The following COL23A1 variants were observed in gnomAD, a reference collection of about 807,000 sequenced individuals.
The protein encoded by COL23A1 is collagen type XXIII alpha 1 chain, also known as collagen alpha-1(XXIII) chain.
Under a neutral mutation model 99.3 loss-of-function variants are expected in COL23A1, and 97 were observed. The ratio of observed to expected loss-of-function variants is 0.98; its 90% confidence interval spans 0.83 to 1.16. COL23A1 has a LOEUF of 1.16. Among genes scored for constraint, COL23A1 ranks in the 50% most tolerant of loss-of-function variants. The pLI, the probability that COL23A1 is intolerant of heterozygous loss-of-function variation, is 0.00. For missense variants in COL23A1, 762 were observed against 757.4 expected (o/e 1.01, Z -0.07); for synonymous variants, 320 against 308.2 (o/e 1.04, Z -0.40).
intron 2 of COL23A1, among the ~76,000 whole-genome samples, chr5:178,514,616 C>T (rs621635): frequency 0.66 from 100,187 of 152,122 alleles, 34,312 homozygotes; most frequent in East Asian, 0.88. Flanking sequence ...CAAAGATGAA[C>T]GGAACTGGGG....
At chr5:178,542,639 G>A (rs1427325403) in intron 2 of COL23A1, among the ~76,000 whole-genome samples, 2 of 150,932 alleles carry the variant, frequency 1.3e-5, no homozygotes, top group African/African-American at 2.4e-5. Flanking sequence ...AGAGGTCCAG[G>A]AAGGCAGGGA....
At chr5:178,276,140 T>C (rs1490309317) in intron 5 of COL23A1, among the ~76,000 whole-genome samples, 1 of 152,174 alleles carries the variant, frequency 6.6e-6, no homozygotes, top group Non-Finnish European at 1.5e-5. Context: ...GTCTTGATGC[T>C]CATCTGCCGG....
chr5:178,445,247 A>G (rs1350980196), intron 2 of COL23A1, among the ~76,000 whole-genome samples: 1 of 152,254 alleles, frequency 6.6e-6, no homozygotes, highest in African/African-American at 2.4e-5. Context: ...ATATGTCACT[A>G]TAATGATACA....
intron 2 of COL23A1, among the ~76,000 whole-genome samples, chr5:178,509,096 T>A (rs927474657): frequency 3.3e-5 from 5 of 152,156 alleles, no homozygotes; most frequent in Non-Finnish European, 4.4e-5. Context: ...TTGGTCTAGA[T>A]CCCAGCTTCT....
At position 178,469,013 on chromosome 5, in the gene COL23A1, T is replaced by C. The variant is rs141312433; in HGVS notation, c.361+91669A>G. 6.2e-3 allele frequency among the ~76,000 whole-genome samples: 948 copies of C among 152,282 alleles called. 12 individuals are homozygous for C. The highest frequency in any genetic ancestry group is 0.022 in the African/African-American group (903 of 41,542). The stretch of plus-strand genomic sequence containing the variant: ...AGTGGAATCATATCGTGTTTGTCCT[T>C]CTGTGTGTGGCTTATTTCACTCAGC... On this transcript the variant is annotated intron_variant, in intron 2 of 28. Transcript: ENST00000390654.
At chr5:178,511,122 T>C (rs1290117439) in intron 2 of COL23A1, among the ~76,000 whole-genome samples, 1 of 152,230 alleles carries the variant, frequency 6.6e-6, no homozygotes, top group Non-Finnish European at 1.5e-5. Flanking sequence ...TGTTCTTGTT[T>C]TTTTCCCCCA....
In COL23A1 at chr5:178,449,292, TC is replaced by T. The variant is rs749576260; in HGVS notation, c.361+111389del. ...GCCTGCCCTGTGTCTGGCCCTGTCT[TC>T]CCCCACGTCTGCCGCTGGGAAATGG... On this transcript the variant is annotated intron_variant, in intron 2 of 28. Transcript: ENST00000390654. Among the ~76,000 whole-genome samples, 190 of 152,224 alleles carry T rather than the reference TC, an allele frequency of 1.2e-3. 1 individual carries two copies. Among genetic ancestry groups the T allele is most frequent in the Non-Finnish European group, 1.6e-3 (110 of 68,012 alleles).
intron 11 of COL23A1, among the ~76,000 whole-genome samples, chr5:178,261,057 G>A (rs1371321364): frequency 6.6e-6 from 1 of 152,118 alleles, no homozygotes; most frequent in East Asian, 1.9e-4. Flanking sequence ...CGGGGGAGGG[G>A]GATATGGAAA....
chr5:178,364,084 G>T (rs994963584), intron 2 of COL23A1, among the ~76,000 whole-genome samples: 2 of 152,168 alleles, frequency 1.3e-5, no homozygotes, highest in South Asian at 2.1e-4. Context: ...CCTCGGTCCC[G>T]CCCCGGGTCA....
intron 2 of COL23A1, among the ~76,000 whole-genome samples, chr5:178,357,974 GTATA>G (rs200558513): frequency 5.0e-5 from 7 of 141,080 alleles, no homozygotes; most frequent in Non-Finnish European, 9.5e-5. Context: ...ATGTGTATGT[GTATA>G]TATGTGTGTA....
At chr5:178,421,058 C>T (rs1364090500) in intron 2 of COL23A1, among the ~76,000 whole-genome samples, 2 of 152,048 alleles carry the variant, frequency 1.3e-5, no homozygotes, top group Non-Finnish European at 2.9e-5. Context: ...GCTTAAAACA[C>T]TCTCTGCTCC....
intron 25 of COL23A1, among the ~76,000 whole-genome samples, chr5:178,245,325 CATCCATCCATCCATCCATCA>C: frequency 6.7e-6 from 1 of 149,948 alleles, no homozygotes; most frequent in Admixed American, 6.6e-5. Context: ...TCCATCCATC[CATCCATCCATCCATCCATCA>C]TTCATCTATT....
At chr5:178,239,241 A>C in intron 27 of COL23A1, 62 bp from the exon 28 acceptor site, 40 of 1,549,518 alleles carry the variant, frequency 2.6e-5, no homozygotes, top group Non-Finnish European at 3.5e-5. Flanking sequence ...TACACCCCAC[A>C]TGCCCTCCCC....
At chr5:178,578,553 C>G (rs1021058666) in intron 1 of COL23A1, among the ~76,000 whole-genome samples, 1 of 152,182 alleles carries the variant, frequency 6.6e-6, no homozygotes, top group Non-Finnish European at 1.5e-5. Context: ...TTTAAACTGT[C>G]TTTTCAAATA....
intron 2 of COL23A1, among the ~76,000 whole-genome samples, chr5:178,555,836 C>G (rs536127417): frequency 6.6e-6 from 1 of 152,264 alleles, no homozygotes; most frequent in Admixed American, 6.5e-5. Flanking sequence ...GAGGCCGGAC[C>G]ATAGGGCAGC....
chr5:178,388,973 C>A (rs899810039), intron 2 of COL23A1, among the ~76,000 whole-genome samples: 32 of 152,210 alleles, frequency 2.1e-4, no homozygotes, highest in Non-Finnish European at 5.9e-5. Context: ...TCCGCAGGGA[C>A]ATCTCATGAG....
At chr5:178,543,081 T>C (rs61561460) in intron 2 of COL23A1, among the ~76,000 whole-genome samples, 2,182 of 150,304 alleles carry the variant, frequency 0.015, 56 homozygotes, top group African/African-American at 0.05. Flanking sequence ...GGTTGGAGAG[T>C]GAGATCCTTT....
chr5:178,589,425 C>T lies in COL23A1; in HGVS notation c.294+479G>A, dbSNP rs1764156859. On this transcript the variant is annotated intron_variant, in intron 1 of 28. Coordinates refer to ENST00000390654, the MANE Select transcript of COL23A1 (RefSeq NM_173465.4). The surrounding 1 kb of genome is among the most constrained non-coding windows in gnomAD (Gnocchi z 5.4). ...AGACACACTGGAGCACAGCGGGGCC[C>T]AGCCCTCGGGCCTGTCTGAGGCTTT... 6.6e-6 allele frequency among the ~76,000 whole-genome samples: 1 copy of T among 152,144 alleles called. No homozygotes were observed. Among genetic ancestry groups the T allele is most frequent in the Admixed American group, 6.5e-5 (1 of 15,284 alleles).
intron 2 of COL23A1, among the ~76,000 whole-genome samples, chr5:178,315,659 G>A (rs1268257540): frequency 2.0e-5 from 3 of 152,210 alleles, no homozygotes; most frequent in East Asian, 1.9e-4. Context: ...GGCTGGTCAC[G>A]GTCTCCGGAT....
Sources: allele counts gnomAD v4.1 joint callset (sites outside exome capture counted in the v4.1 genomes callset), GRCh38; gene constraint gnomAD v4.1.1; non-coding constraint Gnocchi (gnomAD v3.1); transcripts MANE v1.5; gene names NCBI Gene and HGNC (gene_info 2026-07-23, HGNC 2026-07-21).